The following KIAA0825 variants were observed in gnomAD, a reference collection of about 807,000 sequenced individuals.
The protein encoded by KIAA0825 is uncharacterized protein KIAA0825.
KIAA0825 carries 119 observed loss-of-function variants against 147.6 expected under a neutral mutation model. That is an observed-to-expected ratio of 0.81 (90% CI 0.69 to 0.94). The LOEUF is 0.94. KIAA0825 is among the 40% of genes least tolerant of loss of function. The pLI is 0.00. For synonymous variants in KIAA0825, 470 were observed against 518.1 expected, an observed-to-expected ratio of 0.91 and a Z score of 1.26; for missense variants, 1,381 against 1,472.7, an observed-to-expected ratio of 0.94 and a Z score of 1.02.
intron 2 of KIAA0825, chr5:94,569,273 C>T (rs984260728): frequency 7.2e-6 from 2 of 277,712 alleles, no homozygotes; most frequent in African/African-American, 2.2e-5. Flanking sequence ...CCAAAAACAA[C>T]CATTATACCC....
chr5:94,241,060 T>G (rs1307950271), intron 20 of KIAA0825, among the ~76,000 whole-genome samples: 2 of 152,212 alleles, frequency 1.3e-5, no homozygotes, highest in Admixed American at 1.3e-4. Flanking sequence ...AGTAACTCTT[T>G]GCACAGATGG....
chr5:94,527,488 A>G (rs1171827868), intron 3 of KIAA0825, among the ~76,000 whole-genome samples: 1 of 152,042 alleles, frequency 6.6e-6, no homozygotes, highest in Non-Finnish European at 1.5e-5. Flanking sequence ...ATGTGCTTTC[A>G]TGGAATGTTA....
At chr5:94,248,393 A>G (rs1722991272) in intron 20 of KIAA0825, among the ~76,000 whole-genome samples, 1 of 152,072 alleles carries the variant, frequency 6.6e-6, no homozygotes, top group Non-Finnish European at 1.5e-5. Flanking sequence ...GGACCCCATA[A>G]TTCATTGTAC....
chr5:94,545,289 A>G (rs1448165905), intron 2 of KIAA0825, among the ~76,000 whole-genome samples: 2 of 152,052 alleles, frequency 1.3e-5, no homozygotes, highest in Non-Finnish European at 2.9e-5. Flanking sequence ...GGATACAAGG[A>G]TGGCTATTCC....
intron 1 of KIAA0825, among the ~76,000 whole-genome samples, chr5:94,589,070 A>G (rs1474381740): frequency 6.6e-6 from 1 of 152,132 alleles, no homozygotes; most frequent in African/African-American, 2.4e-5. Context: ...ACCTAATGTA[A>G]AAGTGCCGCA....
chr5:94,535,464 C>T (rs1438286111), intron 3 of KIAA0825, among the ~76,000 whole-genome samples: 1 of 124,886 alleles, frequency 8.0e-6, no homozygotes, highest in Non-Finnish European at 1.6e-5. Flanking sequence ...GAGCCGAAAT[C>T]GTGCCATTGT....
At chr5:94,557,891 G>T (rs150300509) in intron 2 of KIAA0825, among the ~76,000 whole-genome samples, 6 of 151,988 alleles carry the variant, frequency 3.9e-5, no homozygotes, top group Admixed American at 3.9e-4. Context: ...GCTTTTGCTC[G>T]CTGTCCACTA....
At chr5:94,284,830 C>A (rs1033834980) in intron 20 of KIAA0825, among the ~76,000 whole-genome samples, 9 of 152,056 alleles carry the variant, frequency 5.9e-5, no homozygotes, top group African/African-American at 1.9e-4. Flanking sequence ...TGTGCCGTAC[C>A]CTCTGCCACA....
At chr5:94,547,818 CTT>C (rs1213284942) in intron 2 of KIAA0825, among the ~76,000 whole-genome samples, 1 of 150,638 alleles carries the variant, frequency 6.6e-6, no homozygotes, top group Non-Finnish European at 1.5e-5. Flanking sequence ...TGGCAGCAGA[CTT>C]TGAAACCTTA....
chr5:94,210,576 C>T (rs1050902073), intron 20 of KIAA0825, among the ~76,000 whole-genome samples: 33 of 152,076 alleles, frequency 2.2e-4, no homozygotes, highest in Admixed American at 1.9e-3. Flanking sequence ...GTAATTGTGT[C>T]AGTTCAGGAG....
intron 20 of KIAA0825, among the ~76,000 whole-genome samples, chr5:94,188,436 C>A (rs1283370477): frequency 6.6e-6 from 1 of 152,076 alleles, no homozygotes; most frequent in African/African-American, 2.4e-5. Flanking sequence ...TTTTCTCATA[C>A]CTCTTTGCAC....
intron 20 of KIAA0825, among the ~76,000 whole-genome samples, chr5:94,242,234 T>C (rs774115469): frequency 3.9e-5 from 6 of 152,238 alleles, no homozygotes; most frequent in Admixed American, 1.3e-4. Context: ...AACATTCTCT[T>C]TCTCTGGTTC....
At chr5:94,341,415 T>C (rs1380602466) in intron 20 of KIAA0825, among the ~76,000 whole-genome samples, 1 of 152,218 alleles carries the variant, frequency 6.6e-6, no homozygotes, top group African/African-American at 2.4e-5. Flanking sequence ...ATCGCTGCTA[T>C]CTCTTTCATC....
intron 20 of KIAA0825, among the ~76,000 whole-genome samples, chr5:94,347,511 CT>C (rs1783147725): frequency 6.6e-6 from 1 of 152,208 alleles, no homozygotes; most frequent in African/African-American, 2.4e-5. Context: ...CAGCTTGGTG[CT>C]GGGAAGACTC....
At chr5:94,325,029 A>G (rs1780545252) in intron 20 of KIAA0825, among the ~76,000 whole-genome samples, 1 of 152,034 alleles carries the variant, frequency 6.6e-6, no homozygotes, top group African/African-American at 2.4e-5. Flanking sequence ...GATTACAAAT[A>G]TAAGACATAT....
rs755186075 is a variant in KIAA0825, at chr5:94,395,988, G to A, written c.3296+113C>T. 6.6e-5 allele frequency: 66 copies of A among 996,376 alleles called. 1 individual carries two copies. In the South Asian group the frequency reaches 1.5e-3, roughly 22 times the overall value. 61.7% of individuals were successfully genotyped at this position (996,376 alleles called of 1,614,324 possible). On this transcript the variant is annotated intron_variant, in intron 17 of 20. Transcript: ENST00000682413. The stretch of plus-strand genomic sequence containing the variant: ...TTTTTATATTCATCAAAGCTGCCAT[G>A]AATTTAGCAAAATACTACTGCTGCC...
chr5:94,396,141 C>T lies in KIAA0825; in HGVS notation c.3256G>A (p.Glu1086Lys). 1 of 1,515,794 alleles carries T rather than the reference C, an allele frequency of 6.6e-7. No homozygotes were observed. Among genetic ancestry groups the T allele is most frequent in the Non-Finnish European group, 8.8e-7 (1 of 1,133,068 alleles). 93.9% of individuals were successfully genotyped at this position (1,515,794 alleles called of 1,614,324 possible). The stretch of plus-strand genomic sequence containing the variant: ...TTCCTTGCTTTCAACAATTGACGTT[C>T]AATCCAGTTGGGCTTCTGCTGCTCA... ...SIEQQKPNWI[E>K]RQLLKARKLS... is the part of the protein sequence containing the mutation. The change falls in exon 17 of 21, where the codon GAA (glutamate) becomes AAA (lysine). Residue 1086 changes from glutamate (E) to lysine (K), a missense_variant. By Grantham distance (56) the Glu-to-Lys change is moderately conservative. Coordinates refer to ENST00000682413, the MANE Select transcript of KIAA0825 (RefSeq NM_001145678.3).
chr5:94,305,531 G>T (rs1778668315), intron 20 of KIAA0825, among the ~76,000 whole-genome samples: 1 of 151,970 alleles, frequency 6.6e-6, no homozygotes, highest in African/African-American at 2.4e-5. Context: ...CTCATTAGCT[G>T]TGCCACTTCT....
At chr5:94,291,216 G>T (rs1033630300) in intron 20 of KIAA0825, among the ~76,000 whole-genome samples, 1 of 151,946 alleles carries the variant, frequency 6.6e-6, no homozygotes, top group African/African-American at 2.4e-5. Context: ...CCTATGTCCT[G>T]GTTTTCTTCT....
Sources: allele counts gnomAD v4.1 joint callset (sites outside exome capture counted in the v4.1 genomes callset), GRCh38; gene constraint gnomAD v4.1.1; transcripts MANE v1.5; gene names NCBI Gene and HGNC (gene_info 2026-07-23, HGNC 2026-07-21).